The following EIF4E3 variants were observed in gnomAD, a reference collection of about 807,000 sequenced individuals.
EIF4E3 encodes eukaryotic translation initiation factor 4E family member 3.
Under a neutral mutation model 31.7 loss-of-function variants are expected in EIF4E3, and 26 were observed. The ratio of observed to expected loss-of-function variants is 0.82; its 90% CI spans 0.60 to 1.14. The LOEUF is 1.14. EIF4E3 is among the 50% of genes most tolerant of loss of function. EIF4E3 has a pLI of 0.00. For missense variants in EIF4E3, 304 were observed against 270.9 expected, an observed-to-expected ratio of 1.12 and a Z score of -0.86; for synonymous variants, 128 against 107.7, an observed-to-expected ratio of 1.19 and a Z score of -1.17.
intron 1 of EIF4E3, among the ~76,000 whole-genome samples, chr3:71,739,703 A>AG (rs2049800867): frequency 6.6e-6 from 1 of 152,164 alleles, no homozygotes; most frequent in African/African-American, 2.4e-5. Context: ...TCTGAAAAAA[A>AG]AAAGAAATGT....
intron 2 of EIF4E3, among the ~76,000 whole-genome samples, chr3:71,709,586 G>A (rs2049345516): frequency 6.6e-6 from 1 of 152,038 alleles, no homozygotes; most frequent in Non-Finnish European, 1.5e-5. Flanking sequence ...GGTCTATGTT[G>A]CCCAGGCTGC....
At chr3:71,692,149 A>G (rs2049071822) in intron 5 of EIF4E3, among the ~76,000 whole-genome samples, 1 of 152,238 alleles carries the variant, frequency 6.6e-6, no homozygotes, top group African/African-American at 2.4e-5. Flanking sequence ...TCCATTAGCA[A>G]ACATGTAATA....
intron 2 of EIF4E3, among the ~76,000 whole-genome samples, chr3:71,704,215 T>C (rs1475640699): frequency 1.3e-5 from 2 of 152,144 alleles, no homozygotes; most frequent in African/African-American, 4.8e-5. Context: ...TCCCACCACA[T>C]AGAAAGTTAG....
chr3:71,724,342 G>T (rs2049595197), intron 1 of EIF4E3, among the ~76,000 whole-genome samples: 1 of 152,236 alleles, frequency 6.6e-6, no homozygotes, highest in African/African-American at 2.4e-5. Flanking sequence ...TAACTGAGGG[G>T]AGGTGTTGAG....
chr3:71,750,231 G>C (rs2049913079), intron 1 of EIF4E3, among the ~76,000 whole-genome samples: 1 of 152,114 alleles, frequency 6.6e-6, no homozygotes. Flanking sequence ...CTCAACTTCA[G>C]AGCCCAGGAC....
the EIF4E3 span, among the ~76,000 whole-genome samples, chr3:71,665,515 G>A: frequency 3.3e-5 from 5 of 152,154 alleles, no homozygotes; most frequent in Admixed American, 6.5e-5. Flanking sequence ...TGAATGTCTT[G>A]CAATGAAAAC....
At chr3:71,743,399 T>A (rs1035082195) in intron 1 of EIF4E3, among the ~76,000 whole-genome samples, 1 of 152,170 alleles carries the variant, frequency 6.6e-6, no homozygotes, top group East Asian at 1.9e-4. Context: ...AAACACAAAA[T>A]GTTGATAGAT....
At chr3:71,736,899 A>C (rs9822586) in intron 1 of EIF4E3, among the ~76,000 whole-genome samples, 1 of 152,158 alleles carries the variant, frequency 6.6e-6, no homozygotes, top group African/African-American at 2.4e-5. Context: ...CTATGCATAA[A>C]TGAGGATAGG....
chr3:71,717,813 AT>A (rs1279948914), intron 1 of EIF4E3, among the ~76,000 whole-genome samples: 5 of 152,196 alleles, frequency 3.3e-5, no homozygotes, highest in Middle Eastern at 3.2e-3. Flanking sequence ...TTGCTGATAT[AT>A]CCTACTTCAA....
intron 2 of EIF4E3, among the ~76,000 whole-genome samples, chr3:71,701,353 T>G (rs886405702): frequency 6.6e-6 from 1 of 152,186 alleles, no homozygotes; most frequent in Non-Finnish European, 1.5e-5. Context: ...ATTATTATCC[T>G]TTTTTTAAAG....
At position 71,690,173 on chromosome 3, in the gene EIF4E3, G is replaced by GA; in HGVS notation, c.473-9dup. The GA allele has an allele frequency of 6.3e-7, 1 of 1,584,034 alleles. No individual in the cohort carries two copies. Among genetic ancestry groups the GA allele is most frequent in the Admixed American group, 1.9e-5 (1 of 53,770 alleles). On this transcript the variant is annotated splice_polypyrimidine_tract_variant and intron_variant, in intron 5 of 6. Coordinates refer to ENST00000425534, the MANE Select transcript of EIF4E3 (RefSeq NM_001134651.2). ...CTCCTATTACTTCATCATCTGAGGG[G>GA]AAGACAGGAAAAAAAAAAAATGAGT... is the stretch of plus-strand genomic sequence containing the variant.
chr3:71,711,506 T>C (rs1327118647), intron 1 of EIF4E3, among the ~76,000 whole-genome samples: 1 of 152,158 alleles, frequency 6.6e-6, no homozygotes, highest in African/African-American at 2.4e-5. Context: ...ACTCTCAGTA[T>C]GTTGTACTTC....
In EIF4E3 at chr3:71,702,239, T is replaced by G. The variant is rs1405499914; in HGVS notation, c.250-2531A>C. On this transcript the variant is annotated intron_variant, in intron 2 of 6. Transcript: ENST00000425534. ...TCACAAGAGGCTGGTGGTTGTCAACTCCAGCCTGAGAACCTGGTTACGATG... is the reference window on the plus strand; with the variant it reads ...TCACAAGAGGCTGGTGGTTGTCAACGCCAGCCTGAGAACCTGGTTACGATG... Among the ~76,000 whole-genome samples the G allele has an allele frequency of 3.3e-5, 5 of 152,214 alleles. No individual in the cohort carries two copies. The East Asian group carries it at 9.6e-4, about 29-fold the overall frequency.
chr3:71,688,492 G>C (rs910385446), intron 6 of EIF4E3, among the ~76,000 whole-genome samples: 2 of 152,158 alleles, frequency 1.3e-5, no homozygotes, highest in Non-Finnish European at 2.9e-5. Context: ...GTTGTGACTT[G>C]CTCAAGGTCA....
intron 1 of EIF4E3, among the ~76,000 whole-genome samples, chr3:71,751,434 G>A (rs12485729): frequency 0.34 from 52,021 of 151,966 alleles, 10,191 homozygotes; most frequent in East Asian, 0.67. Context: ...CTTGGCATAC[G>A]GCAAGTGCTC....
intron 2 of EIF4E3, among the ~76,000 whole-genome samples, chr3:71,701,730 A>C (rs2049219547): frequency 6.6e-6 from 1 of 152,152 alleles, no homozygotes; most frequent in African/African-American, 2.4e-5. Context: ...GTTTTGTGTT[A>C]AAAAAATAAT....
chr3:71,723,435 T>C (rs1437625491), intron 1 of EIF4E3, among the ~76,000 whole-genome samples: 2 of 152,254 alleles, frequency 1.3e-5, no homozygotes, highest in South Asian at 2.1e-4. Context: ...TGTATTTCAT[T>C]TGATGATCGA....
chr3:71,737,233 C>G (rs896367703), intron 1 of EIF4E3, among the ~76,000 whole-genome samples: 2 of 152,218 alleles, frequency 1.3e-5, no homozygotes, highest in Non-Finnish European at 2.9e-5. Flanking sequence ...AAAAGTTTCA[C>G]TTCTCCGAAG....
At chr3:71,697,191 A>AT (rs532367575) in intron 3 of EIF4E3, among the ~76,000 whole-genome samples, 55 of 151,514 alleles carry the variant, frequency 3.6e-4, no homozygotes, top group South Asian at 1.9e-3. Flanking sequence ...AATTTTTAAA[A>AT]TTTTTTTTAG....
Sources: allele counts gnomAD v4.1 joint callset (sites outside exome capture counted in the v4.1 genomes callset), GRCh38; gene constraint gnomAD v4.1.1; transcripts MANE v1.5; gene names NCBI Gene and HGNC (gene_info 2026-07-23, HGNC 2026-07-21).